The following RFTN1 variants were observed in gnomAD, a reference collection of about 807,000 sequenced individuals.
The protein encoded by RFTN1 is raftlin.
A neutral mutation model predicts 46.5 loss-of-function variants in RFTN1; 26 were observed. That is an observed-to-expected ratio of 0.56 (90% CI 0.41 to 0.78). RFTN1 has a LOEUF of 0.78. RFTN1 is among the 30% of genes least tolerant of loss of function. The pLI, the probability that RFTN1 is intolerant of heterozygous loss-of-function variation, is 0.00. For synonymous variants in RFTN1, 261 were observed against 284.2 expected (o/e 0.92, Z 0.82); for missense variants, 693 against 718.7 (o/e 0.96, Z 0.41).
At chr3:16,464,532 A>T (rs181271586) in intron 2 of RFTN1, among the ~76,000 whole-genome samples, 27 of 152,188 alleles carry the variant, frequency 1.8e-4, no homozygotes, top group African/African-American at 6.5e-4. Context: ...ATATTTTTCA[A>T]AGTGTTTTCA....
At chr3:16,432,800 C>G (rs1050379483) in intron 3 of RFTN1, among the ~76,000 whole-genome samples, 1 of 152,182 alleles carries the variant, frequency 6.6e-6, no homozygotes, top group African/African-American at 2.4e-5. Flanking sequence ...CACCACCTTT[C>G]ACTTTGAATT....
In RFTN1 at chr3:16,473,132, A is replaced by T. The variant is rs1341802109; in HGVS notation, c.145+20593T>A. ...ACAACCATGGTGTACACACACGTAC[A>T]CACATACACAAACAGTACTTTCAGT... On this transcript the variant is annotated intron_variant, in intron 2 of 9. Coordinates refer to ENST00000334133, the MANE Select transcript of RFTN1 (RefSeq NM_015150.2). This position sits in a 1 kb window ranked among gnomAD's most constrained non-coding sequence, Gnocchi z 5.3. Among the ~76,000 whole-genome samples, 1 of 152,240 alleles carries T rather than the reference A, an allele frequency of 6.6e-6. No individual in the cohort carries two copies. Among genetic ancestry groups the T allele is most frequent in the Admixed American group, 6.5e-5 (1 of 15,288 alleles).
At chr3:16,325,010 G>A (rs2069555401) in intron 8 of RFTN1, among the ~76,000 whole-genome samples, 1 of 151,932 alleles carries the variant, frequency 6.6e-6, no homozygotes, top group Admixed American at 6.6e-5. Flanking sequence ...ATCAGTGTGA[G>A]GCTATATCTC....
intron 1 of RFTN1, among the ~76,000 whole-genome samples, chr3:16,495,323 G>A (rs2076606780): frequency 6.6e-6 from 1 of 152,230 alleles, no homozygotes. Context: ...AATGGACAAG[G>A]AAGCTTCTAA....
At chr3:16,333,725 A>AG (rs553685773) in intron 7 of RFTN1, among the ~76,000 whole-genome samples, 4 of 152,210 alleles carry the variant, frequency 2.6e-5, no homozygotes, top group African/African-American at 4.8e-5. Context: ...CTCATATTAC[A>AG]GAAAAAAAAG....
At chr3:16,510,670 T>C (rs2125017725) in intron 1 of RFTN1, among the ~76,000 whole-genome samples, 1 of 152,342 alleles carries the variant, frequency 6.6e-6, no homozygotes, top group Middle Eastern at 3.4e-3. Flanking sequence ...TATTCTTTGC[T>C]GGTGAGACTG....
intron 4 of RFTN1, among the ~76,000 whole-genome samples, chr3:16,399,237 AC>A (rs1236891924): frequency 2.0e-5 from 3 of 152,156 alleles, no homozygotes; most frequent in Non-Finnish European, 4.4e-5. Flanking sequence ...AATTCAGCAA[AC>A]CCATGAGAAA....
rs1031215969 is a variant in RFTN1 at position 16,507,095 on chromosome 3, T to C, written c.-9+6347A>G. ...AACCTCAGTTTTCTCATCTGTAAAA[T>C]GGGGACAACTGCAATATCTACTTCT... On this transcript the variant is annotated intron_variant, in intron 1 of 9. Coordinates refer to ENST00000334133, the MANE Select transcript of RFTN1 (RefSeq NM_015150.2). The surrounding 1 kb of genome is among the most constrained non-coding windows in gnomAD (Gnocchi z 7.1). Among the ~76,000 whole-genome samples, 8 of 152,152 alleles carry C rather than the reference T, an allele frequency of 5.3e-5. No homozygotes were observed. The highest frequency in any genetic ancestry group is 1.2e-4 in the Non-Finnish European group (8 of 68,026).
rs990936987 is a variant in RFTN1, at chr3:16,400,676, A to G, written c.441+8699T>C. Among the ~76,000 whole-genome samples, 8 of 152,202 alleles carry G rather than the reference A, an allele frequency of 5.3e-5. No individual in the cohort carries two copies. Among genetic ancestry groups the G allele is most frequent in the African/African-American group, 1.9e-4 (8 of 41,442 alleles). On this transcript the variant is annotated intron_variant, in intron 4 of 9. Transcript: ENST00000334133. This position sits in a 1 kb window ranked among gnomAD's most constrained non-coding sequence, Gnocchi z 4.5. ...TCCTTTTTTGGGGAGTGATTGAGAC[A>G]AGCGTATGACCCCTTCCCTCCCTCC...
intron 6 of RFTN1, among the ~76,000 whole-genome samples, chr3:16,359,003 G>C (rs555929137): frequency 6.3e-5 from 9 of 142,820 alleles, no homozygotes; most frequent in Admixed American, 2.9e-4. Context: ...CTGTACTTCA[G>C]CCTGGGTGAC....
rs1332953669 is a variant in RFTN1 at position 16,451,712 on chromosome 3, A to T, written c.146-17675T>A. On this transcript the variant is annotated intron_variant, in intron 2 of 9. Coordinates refer to ENST00000334133, the MANE Select transcript of RFTN1 (RefSeq NM_015150.2). This position sits in a 1 kb window ranked among gnomAD's most constrained non-coding sequence, Gnocchi z 4.2. ...CATAACTTTTGCAGCCTGAGGTGTG[A>T]CAGCAAAACTACTAGCGTGATTTTT... Among the ~76,000 whole-genome samples the T allele has an allele frequency of 6.6e-6, 1 of 152,204 alleles. No individual in the cohort carries two copies. The highest frequency in any genetic ancestry group is 1.5e-5 in the Non-Finnish European group (1 of 68,026).
chr3:16,320,199 G>C lies in RFTN1; in HGVS notation c.1333-2967C>G, dbSNP rs138789594. Among the ~76,000 whole-genome samples the C allele has an allele frequency of 2.0e-5, 3 of 152,214 alleles. No individual in the cohort carries two copies. The highest frequency in any genetic ancestry group is 7.2e-5 in the African/African-American group (3 of 41,448). On this transcript the variant is annotated intron_variant, in intron 9 of 9. Transcript: ENST00000334133. The surrounding 1 kb of genome is among the most constrained non-coding windows in gnomAD (Gnocchi z 4.5). ...AGTTTAGCTGGAAGGAAGTCTTCCC[G>C]AGTTGTAGAAATCACCTACTCCCTT...
chr3:16,420,466 G>C (rs995998821), intron 3 of RFTN1, among the ~76,000 whole-genome samples: 2 of 152,228 alleles, frequency 1.3e-5, no homozygotes, highest in Non-Finnish European at 2.9e-5. Flanking sequence ...CATAGGAATG[G>C]TGTTCATGAG....
At chr3:16,505,460 TAGAG>T (rs981639344) in intron 1 of RFTN1, among the ~76,000 whole-genome samples, 1 of 152,144 alleles carries the variant, frequency 6.6e-6, no homozygotes, top group Non-Finnish European at 1.5e-5. Context: ...TGTACCCAGA[TAGAG>T]AGAGACAAAT....
At chr3:16,416,662 A>G (rs1290648277) in intron 3 of RFTN1, among the ~76,000 whole-genome samples, 16 of 152,240 alleles carry the variant, frequency 1.1e-4, no homozygotes, top group Admixed American at 1.0e-3. Flanking sequence ...TCCTTGGGAC[A>G]TAACTGAACA....
rs532482926 is a variant in RFTN1 at position 16,385,559 on chromosome 3, G to C, written c.442-7457C>G. Among the ~76,000 whole-genome samples, 328 of 152,216 alleles carry C rather than the reference G, an allele frequency of 2.2e-3. 1 individual carries two copies. The highest frequency in any genetic ancestry group is 3.9e-3 in the Non-Finnish European group (266 of 68,002). On this transcript the variant is annotated intron_variant, in intron 4 of 9. Coordinates refer to ENST00000334133, the MANE Select transcript of RFTN1 (RefSeq NM_015150.2). This position sits in a 1 kb window ranked among gnomAD's most constrained non-coding sequence, Gnocchi z 5.0. Reference sequence around the variant, plus strand: ...TGGTCAAATCAGTTGATTTATTTTAGCCTCAGTTTCTTAATCTATAAAATG... The same window carrying C: ...TGGTCAAATCAGTTGATTTATTTTACCCTCAGTTTCTTAATCTATAAAATG...
chr3:16,444,470 C>T (rs1274575123), intron 2 of RFTN1, among the ~76,000 whole-genome samples: 1 of 152,150 alleles, frequency 6.6e-6, no homozygotes, highest in Non-Finnish European at 1.5e-5. Context: ...AGGTAAACAG[C>T]CATGTCTACA....
rs11425499 is a variant in RFTN1, at chr3:16,344,330, G to GT, written c.1146+13601dup. ...GTGGATTAGATCAGTAATTTTCAAG[G>GT]TTTTTTTTTTTTAATTAGTAGGATG... On this transcript the variant is annotated intron_variant, in intron 7 of 9. Transcript: ENST00000334133. The surrounding 1 kb of genome is among the most constrained non-coding windows in gnomAD (Gnocchi z 4.4). Among the ~76,000 whole-genome samples the GT allele has an allele frequency of 0.26, 38,416 of 147,290 alleles. 5,021 individuals carry two copies. The highest frequency in any genetic ancestry group is 0.31 in the Middle Eastern group (88 of 286).
chr3:16,455,301 A>G (rs1322944041), intron 2 of RFTN1, among the ~76,000 whole-genome samples: 14 of 152,160 alleles, frequency 9.2e-5, no homozygotes, highest in Admixed American at 9.2e-4. Flanking sequence ...AATACCAAAG[A>G]GGCTTATTTG....
Sources: allele counts gnomAD v4.1 joint callset (sites outside exome capture counted in the v4.1 genomes callset), GRCh38; gene constraint gnomAD v4.1.1; non-coding constraint Gnocchi (gnomAD v3.1); transcripts MANE v1.5; gene names NCBI Gene and HGNC (gene_info 2026-07-23, HGNC 2026-07-21).